The following NGEF variants were observed in gnomAD, a reference collection of about 807,000 sequenced individuals.
NGEF encodes ephexin-1.
A neutral mutation model predicts 80.9 loss-of-function variants in NGEF; 31 were observed. That is an observed-to-expected ratio of 0.38 (90% CI 0.29 to 0.52). The LOEUF is 0.52. NGEF is among the 20% of genes least tolerant of loss of function. NGEF has a pLI of 0.84. For synonymous variants in NGEF, 371 were observed against 370.2 expected (o/e 1.00, Z -0.03); for missense variants, 709 against 926.2 (o/e 0.77, Z 3.04).
At chr2:233,008,751 C>T (rs1295083692) in intron 1 of NGEF, among the ~76,000 whole-genome samples, 1 of 151,886 alleles carries the variant, frequency 6.6e-6, no homozygotes, top group African/African-American at 2.4e-5. Context: ...TTCAGTTTTT[C>T]AATAGATATT....
At chr2:232,987,393 C>A (rs925449210) in intron 1 of NGEF, among the ~76,000 whole-genome samples, 1 of 152,190 alleles carries the variant, frequency 6.6e-6, no homozygotes, top group Non-Finnish European at 1.5e-5. Context: ...GGTCTGCTGG[C>A]AACCTGAGGG....
At chr2:232,988,491 A>T (rs1388019662) in intron 1 of NGEF, among the ~76,000 whole-genome samples, 1 of 152,228 alleles carries the variant, frequency 6.6e-6, no homozygotes, top group Non-Finnish European at 1.5e-5. Flanking sequence ...GGTGCAGCCA[A>T]GGGCAGCAGG....
At chr2:232,970,185 A>G (rs935057547) in intron 3 of NGEF, 29 bp downstream of exon 3, 20 of 1,346,488 alleles carry the variant, frequency 1.5e-5, no homozygotes, top group Non-Finnish European at 2.1e-5. Flanking sequence ...TTCCCAGACC[A>G]GCATTCCTCA....
At chr2:232,883,092 CACACACGT>C (rs946936841) in intron 12 of NGEF, among the ~76,000 whole-genome samples, 7 of 150,908 alleles carry the variant, frequency 4.6e-5, no homozygotes, top group East Asian at 1.9e-4. Context: ...CGCACACACG[CACACACGT>C]ACACGCGTAC....
At chr2:232,926,914 C>T (rs114039268) in intron 4 of NGEF, 130 bp downstream of exon 4, 8 of 1,210,474 alleles carry the variant, frequency 6.6e-6, no homozygotes, top group African/African-American at 3.0e-5. Context: ...ATGTCAAAAG[C>T]TTTCCTTACC....
At chr2:232,883,712 G>T (rs1691587549) in intron 11 of NGEF, among the ~76,000 whole-genome samples, 1 of 152,208 alleles carries the variant, frequency 6.6e-6, no homozygotes, top group Non-Finnish European at 1.5e-5. Context: ...TCCCTGCTGA[G>T]CACTCGCTAT....
chr2:232,945,910 A>T (rs1219280781), intron 3 of NGEF, among the ~76,000 whole-genome samples: 1 of 152,112 alleles, frequency 6.6e-6, no homozygotes, highest in African/African-American at 2.4e-5. Context: ...TGTACGAAAA[A>T]AAATACTTGC....
intron 5 of NGEF, among the ~76,000 whole-genome samples, chr2:232,919,828 C>T (rs541020576): frequency 7.9e-5 from 12 of 152,218 alleles, no homozygotes; most frequent in African/African-American, 2.9e-4. Flanking sequence ...TTCAGAGACC[C>T]CATTCATCCG....
chr2:232,933,291 A>G lies in NGEF; in HGVS notation c.384-6105T>C, dbSNP rs1693255949. Among the ~76,000 whole-genome samples, 3 of 151,938 alleles carry G rather than the reference A, an allele frequency of 2.0e-5. No individual in the cohort carries two copies. In the South Asian group the frequency reaches 6.2e-4, roughly 32 times the overall value. On this transcript the variant is annotated intron_variant, in intron 3 of 14. Coordinates refer to ENST00000264051, the MANE Select transcript of NGEF (RefSeq NM_019850.3). ...CCACAGCAGCCCCTAAACAACTAAA[A>G]TTCAGCATAACTGACAGTGCACCCA...
chr2:232,957,148 C>T (rs542968744), intron 3 of NGEF, among the ~76,000 whole-genome samples: 2 of 152,000 alleles, frequency 1.3e-5, no homozygotes, highest in South Asian at 2.1e-4. Flanking sequence ...AGAATAAGTA[C>T]GATAAGCTAG....
intron 2 of NGEF, among the ~76,000 whole-genome samples, chr2:232,974,347 G>C (rs1694248057): frequency 6.6e-6 from 1 of 152,022 alleles, no homozygotes; most frequent in Non-Finnish European, 1.5e-5. Flanking sequence ...TACAGCGAGG[G>C]GTGTTTTGCT....
chr2:232,901,406 G>C lies in NGEF; in HGVS notation c.829-6490C>G, dbSNP rs7569026. ...TCCAGGGTTCGCCGTGGACCTCTGG[G>C]CCGTGCATTCCAGCCTGATTTGGGT... On this transcript the variant is annotated intron_variant, in intron 5 of 14. Transcript: ENST00000264051. The C allele has an allele frequency of 6.5e-3, 6,435 of 985,456 alleles. 284 individuals are homozygous for C. In the African/African-American group the frequency reaches 0.096, roughly 15 times the overall value. 61.0% of individuals were successfully genotyped at this position (985,456 alleles called of 1,614,324 possible). A position where few individuals can be genotyped will look rare whatever the true frequency, so the allele number is the denominator to read the frequency against.
intron 5 of NGEF, among the ~76,000 whole-genome samples, chr2:232,904,538 C>A (rs908473093): frequency 1.3e-5 from 2 of 152,208 alleles, no homozygotes; most frequent in Non-Finnish European, 2.9e-5. Flanking sequence ...CCCTTCCCAA[C>A]CTTTTAATTT....
At chr2:232,931,624 G>A (rs746150556) in intron 3 of NGEF, among the ~76,000 whole-genome samples, 4 of 152,200 alleles carry the variant, frequency 2.6e-5, no homozygotes, top group Non-Finnish European at 5.9e-5. Context: ...ATGAGTGTGA[G>A]TGTGAAATAC....
Position 232,976,204 on chromosome 2 carries a change from A to G in NGEF, c.-74-1240T>C, listed in dbSNP as rs566808225. On this transcript the variant is annotated intron_variant, in intron 1 of 14. Transcript: ENST00000264051. ...CAACAGAGCCAGACTCCATCTCAAA[A>G]AAACCCTTCCAGTCCTCTTCTGTTG... 7.2e-5 allele frequency among the ~76,000 whole-genome samples: 11 copies of G among 152,250 alleles called. No individual in the cohort carries two copies. In the East Asian group the frequency reaches 1.7e-3, roughly 24 times the overall value.
intron 5 of NGEF, among the ~76,000 whole-genome samples, chr2:232,909,721 G>A (rs1024579940): frequency 1.3e-4 from 19 of 151,258 alleles, no homozygotes; most frequent in Non-Finnish European, 1.3e-4. Flanking sequence ...GTCTCCCCAC[G>A]CTCCCCCCAC....
In NGEF at chr2:232,894,847, T is replaced by C. The variant is rs765407318; in HGVS notation, c.898A>G (p.Met300Val). 9.3e-6 allele frequency: 15 copies of C among 1,611,158 alleles called. No individual in the cohort carries two copies. The highest frequency in any genetic ancestry group is 1.3e-5 in the African/African-American group (1 of 74,884). ...KSLNLLVSHF[M>V]ENERIRKILH... is the part of the protein sequence containing the mutation. ...ATCTTCCTTATCCGCTCGTTCTCCA[T>C]GAAGTGGGACACGAGCAGGTTCAGA... Residue 300 changes from methionine to valine, a missense_variant, in exon 6 of 15, where the codon ATG becomes GTG. Met to Val is a conservative substitution (Grantham distance 21). This residue lies in a region of NGEF where 426 missense variants were observed against 622.9 expected (regional missense o/e 0.68). Coordinates refer to ENST00000264051, the MANE Select transcript of NGEF (RefSeq NM_019850.3).
intron 3 of NGEF, chr2:232,928,260 C>T: frequency 4.0e-6 from 3 of 753,564 alleles, no homozygotes; most frequent in Non-Finnish European, 4.8e-6. Context: ...GGGGCGGGGG[C>T]GCCCGGGCTG....
chr2:232,960,388 G>A (rs1239285247), intron 3 of NGEF, among the ~76,000 whole-genome samples: 2 of 152,182 alleles, frequency 1.3e-5, no homozygotes, highest in Admixed American at 6.5e-5. Flanking sequence ...AGTCAGTGAC[G>A]TACTGGGGGC....
Sources: allele counts gnomAD v4.1 joint callset (sites outside exome capture counted in the v4.1 genomes callset), GRCh38; gene constraint gnomAD v4.1.1; regional missense constraint gnomAD v4.1.1; transcripts MANE v1.5; gene names NCBI Gene and HGNC (gene_info 2026-07-23, HGNC 2026-07-21).